LRRC4C: variants seen among roughly 807,000 people sequenced by gnomAD.
LRRC4C encodes leucine-rich repeat-containing protein 4C.
In LRRC4C, 5 loss-of-function variants were observed where a neutral mutation model predicts 33.6. That is an observed-to-expected ratio of 0.15 (90% confidence interval 0.08 to 0.31). LRRC4C has a LOEUF of 0.31. LRRC4C is among the 10% of genes least tolerant of loss of function. The pLI is 1.00. For missense variants in LRRC4C, 560 were observed against 796.7 expected (o/e 0.70, Z 3.58); for synonymous variants, 329 against 302.0 (o/e 1.09, Z -0.93).
At chr11:41,338,578 G>A (rs912214709) in intron 1 of LRRC4C, among the ~76,000 whole-genome samples, 18 of 151,950 alleles carry the variant, frequency 1.2e-4, no homozygotes, top group African/African-American at 4.3e-4. Context: ...AGGACAAATA[G>A]CTAACACATA....
intron 2 of LRRC4C, among the ~76,000 whole-genome samples, chr11:40,825,508 G>A (rs926357290): frequency 2.6e-5 from 4 of 151,836 alleles, no homozygotes; most frequent in Non-Finnish European, 1.5e-5. Context: ...GGCATTCCCA[G>A]CAAGGACTCA....
intron 1 of LRRC4C, among the ~76,000 whole-genome samples, chr11:41,408,754 A>AAAAAAAAAAAC (rs1172010764): frequency 1.6e-4 from 24 of 149,338 alleles, no homozygotes; most frequent in African/African-American, 6.2e-4. Context: ...TTGTAAAAAA[A>AAAAAAAAAAAC]AAAAAAAAAA....
intron 3 of LRRC4C, among the ~76,000 whole-genome samples, chr11:40,537,299 C>A (rs1199695601): frequency 6.6e-6 from 1 of 152,166 alleles, no homozygotes; most frequent in Non-Finnish European, 1.5e-5. Flanking sequence ...CCACCTGATT[C>A]AATCCTCACA....
chr11:40,543,688 T>G (rs751465297), intron 3 of LRRC4C, among the ~76,000 whole-genome samples: 6 of 152,034 alleles, frequency 3.9e-5, no homozygotes, highest in Non-Finnish European at 8.8e-5. Flanking sequence ...TAGGCCAAAG[T>G]GATTGCAAGT....
intron 2 of LRRC4C, among the ~76,000 whole-genome samples, chr11:40,812,532 T>C (rs1167477950): frequency 1.3e-5 from 2 of 152,202 alleles, no homozygotes; most frequent in African/African-American, 2.4e-5. Flanking sequence ...TATAAGATTC[T>C]TAATGATTTC....
intron 1 of LRRC4C, among the ~76,000 whole-genome samples, chr11:41,085,928 C>CAAAAAAAAAAAAAAA (rs10717008): frequency 1.2e-5 from 1 of 80,180 alleles, no homozygotes; most frequent in Non-Finnish European, 2.3e-5. Context: ...TTTAAGACAC[C>CAAAAAAAAAAAAAAA]AAAAAAAAAA....
intron 2 of LRRC4C, among the ~76,000 whole-genome samples, chr11:40,862,445 C>A (rs1366621439): frequency 6.6e-6 from 1 of 152,136 alleles, no homozygotes; most frequent in East Asian, 1.9e-4. Flanking sequence ...AAATGGAAAC[C>A]ATTTACTAAA....
At chr11:41,399,697 A>G (rs1953954246) in intron 1 of LRRC4C, among the ~76,000 whole-genome samples, 1 of 151,688 alleles carries the variant, frequency 6.6e-6, no homozygotes, top group Non-Finnish European at 1.5e-5. Context: ...CACACTAAGG[A>G]TTTTTTTTCC....
At chr11:40,448,616 T>C (rs111645393) in intron 3 of LRRC4C, among the ~76,000 whole-genome samples, 20 of 152,344 alleles carry the variant, frequency 1.3e-4, no homozygotes, top group African/African-American at 4.6e-4. Flanking sequence ...TTCCATGGTG[T>C]ATATGTACCA....
intron 1 of LRRC4C, among the ~76,000 whole-genome samples, chr11:41,231,042 T>C (rs1169472851): frequency 6.6e-6 from 1 of 151,822 alleles, no homozygotes; most frequent in Non-Finnish European, 1.5e-5. Context: ...ATCAGAGAAA[T>C]GCAAATCAAA....
rs1855353375 is a variant in LRRC4C, at chr11:40,115,389, G to A, written c.904C>T (p.Pro302Ser). ...AGTATGTCACAGTTACAGTTCCAAG[G>A]GTTGTGATGTAAATGTATCCGCTCT... ...HLERIHLHHN[P>S]WNCNCDILWL... Residue 302 changes from proline (P) to serine (S), a missense_variant, in exon 7 of 7, where the codon CCT (proline) becomes TCT (serine). Physicochemically the swap from Pro to Ser is moderately conservative, Grantham distance 74. Coordinates refer to ENST00000528697, the MANE Select transcript of LRRC4C (RefSeq NM_001258419.2). The surrounding 1 kb of genome is among the most constrained non-coding windows in gnomAD (Gnocchi z 6.7). 6.2e-7 allele frequency: 1 copy of A among 1,614,156 alleles called. No homozygotes were observed. The highest frequency in any genetic ancestry group is 1.3e-5 in the African/African-American group (1 of 75,036).
intron 1 of LRRC4C, among the ~76,000 whole-genome samples, chr11:41,383,604 T>C (rs1953239999): frequency 6.6e-6 from 1 of 151,914 alleles, no homozygotes; most frequent in South Asian, 2.1e-4. Flanking sequence ...TATAAAAGCA[T>C]GGAATGATCA....
chr11:40,321,239 T>C (rs1945832744), intron 3 of LRRC4C, among the ~76,000 whole-genome samples: 1 of 152,226 alleles, frequency 6.6e-6, no homozygotes, highest in Admixed American at 6.5e-5. Context: ...TTGGTTGAAA[T>C]GTTCATATTT....
chr11:41,090,420 TA>T (rs1000856901), intron 1 of LRRC4C, among the ~76,000 whole-genome samples: 2 of 152,024 alleles, frequency 1.3e-5, no homozygotes, highest in East Asian at 1.9e-4. Context: ...GCACTGCATT[TA>T]AAAAAAATAA....
At chr11:41,111,316 AGTT>A (rs1250201977) in intron 1 of LRRC4C, among the ~76,000 whole-genome samples, 1 of 151,990 alleles carries the variant, frequency 6.6e-6, no homozygotes, top group African/African-American at 2.4e-5. Context: ...TGTCTCATAA[AGTT>A]GTTGTGAGAG....
intron 2 of LRRC4C, among the ~76,000 whole-genome samples, chr11:40,824,180 G>T (rs2135490517): frequency 6.6e-6 from 1 of 151,818 alleles, no homozygotes; most frequent in African/African-American, 2.4e-5. Context: ...AGGGAAATTT[G>T]GGGGTTGATT....
At chr11:40,472,053 T>C (rs991036087) in intron 3 of LRRC4C, among the ~76,000 whole-genome samples, 1 of 152,006 alleles carries the variant, frequency 6.6e-6, no homozygotes, top group Non-Finnish European at 1.5e-5. Flanking sequence ...CCCAGCACTT[T>C]GGGAGGCCCG....
chr11:40,244,102 A>G (rs1866144408), intron 4 of LRRC4C, among the ~76,000 whole-genome samples: 1 of 152,180 alleles, frequency 6.6e-6, no homozygotes, highest in African/African-American at 2.4e-5. Flanking sequence ...CTAGAAGTTT[A>G]TAGTCTGTTT....
At chr11:40,342,900 A>G (rs1041531308) in intron 3 of LRRC4C, among the ~76,000 whole-genome samples, 1 of 152,042 alleles carries the variant, frequency 6.6e-6, no homozygotes, top group African/African-American at 2.4e-5. Context: ...TCATTCATCC[A>G]TCTTTTAGTC....
Sources: allele counts gnomAD v4.1 joint callset (sites outside exome capture counted in the v4.1 genomes callset), GRCh38; gene constraint gnomAD v4.1.1; non-coding constraint Gnocchi (gnomAD v3.1); transcripts MANE v1.5; gene names NCBI Gene and HGNC (gene_info 2026-07-23, HGNC 2026-07-21).